Variants in CWH43 observed in about 807,000 individuals in gnomAD.
CWH43 encodes PGAP2-interacting protein.
A neutral mutation model predicts 85.7 loss-of-function variants in CWH43; 91 were observed. The ratio of observed to expected loss-of-function variants is 1.06; its 90% CI spans 0.90 to 1.26. The LOEUF (loss-of-function observed/expected upper bound fraction) is 1.26. CWH43 is among the 50% of genes most tolerant of loss of function. The pLI, the probability that CWH43 is intolerant of heterozygous loss-of-function variation, is 0.00. For missense variants in CWH43, 869 were observed against 839.2 expected (o/e 1.04, Z -0.44); for synonymous variants, 323 against 293.6 (o/e 1.10, Z -1.02).
In CWH43 at chr4:49,050,690, A is replaced by G. The variant is rs765178421; in HGVS notation, c.1866-4A>G. 1.9e-6 allele frequency: 3 copies of G among 1,605,526 alleles called. No individual in the cohort carries two copies. Among genetic ancestry groups the G allele is most frequent in the Admixed American group, 1.7e-5 (1 of 58,136 alleles). On this transcript the variant is annotated splice_polypyrimidine_tract_variant and splice_region_variant and intron_variant, in intron 14 of 15. Coordinates refer to ENST00000226432, the MANE Select transcript of CWH43 (RefSeq NM_025087.3). ...GTTACAAACCATTTCTGTTTCTGCT[A>G]CAGGTTGGGTTATGCAAGAATCTCC... is the stretch of plus-strand genomic sequence containing the variant.
chr4:49,001,897 AAC>A (rs1483089705), intron 6 of CWH43, among the ~76,000 whole-genome samples: 2 of 152,140 alleles, frequency 1.3e-5, no homozygotes, highest in African/African-American at 4.8e-5. Flanking sequence ...CAACCTCACT[AAC>A]AGTCAAATAA....
At chr4:49,018,909 A>G (rs1171295702) in intron 9 of CWH43, among the ~76,000 whole-genome samples, 1 of 152,230 alleles carries the variant, frequency 6.6e-6, no homozygotes, top group African/African-American at 2.4e-5. Context: ...ATAATAGTAG[A>G]CCATCATTAC....
intron 14 of CWH43, 31 bp downstream of exon 14, chr4:49,044,878 T>A: frequency 6.4e-7 from 1 of 1,573,800 alleles, no homozygotes; most frequent in Non-Finnish European, 8.7e-7. Context: ...TTGTTTTTAA[T>A]CTATTATTAA....
intron 15 of CWH43, among the ~76,000 whole-genome samples, 178 bp from the exon 16 acceptor site, chr4:49,061,634 T>C (rs527597290): frequency 7.8e-4 from 119 of 152,318 alleles, no homozygotes; most frequent in African/African-American, 2.8e-3. Context: ...GAATTATCCA[T>C]AACCATGGAA....
intron 14 of CWH43, among the ~76,000 whole-genome samples, chr4:49,046,165 A>G (rs1028880781): frequency 1.1e-4 from 16 of 152,196 alleles, no homozygotes; most frequent in African/African-American, 2.4e-4. Flanking sequence ...TAAGTGACAC[A>G]TGACTGTATA....
intron 13 of CWH43, among the ~76,000 whole-genome samples, chr4:49,038,950 C>T (rs1042253733): frequency 3.3e-5 from 5 of 150,534 alleles, no homozygotes; most frequent in Non-Finnish European, 5.9e-5. Context: ...CCCAGCTACT[C>T]GGGAGGCTGA....
At chr4:49,040,124 T>C (rs894351098) in intron 13 of CWH43, among the ~76,000 whole-genome samples, 59 of 152,220 alleles carry the variant, frequency 3.9e-4, no homozygotes, top group Non-Finnish European at 8.4e-4. Context: ...ATGTGCCACA[T>C]TTTCTTAATC....
chr4:49,052,007 A>G (rs947504032), intron 15 of CWH43, among the ~76,000 whole-genome samples: 2 of 152,230 alleles, frequency 1.3e-5, no homozygotes, highest in Non-Finnish European at 2.9e-5. Context: ...CATATCGTAT[A>G]CATTATTATT....
intron 15 of CWH43, 132 bp from the exon 16 acceptor site, chr4:49,061,680 T>C: frequency 1.3e-6 from 1 of 787,382 alleles, no homozygotes. Flanking sequence ...AGTTTGCCTT[T>C]CCTATATGCA....
chr4:49,015,518 G>T (rs1783518369), intron 8 of CWH43, among the ~76,000 whole-genome samples: 1 of 151,978 alleles, frequency 6.6e-6, no homozygotes, highest in African/African-American at 2.4e-5. Flanking sequence ...GATATATCTG[G>T]ATGCAGATTT....
In CWH43 at chr4:49,060,511, C is replaced by T. The variant is rs73152007; in HGVS notation, c.2022-1301C>T. Among the ~76,000 whole-genome samples the T allele has an allele frequency of 1.9e-3, 294 of 152,078 alleles. 1 individual carries two copies. The highest frequency in any genetic ancestry group is 6.9e-3 in the African/African-American group (287 of 41,442). On this transcript the variant is annotated intron_variant, in intron 15 of 15. Coordinates refer to ENST00000226432, the MANE Select transcript of CWH43 (RefSeq NM_025087.3). Reference sequence around the variant, plus strand: ...CCAGCCTGGTGCCAATGTTCATTGGCCTGGACCTGGTGCTGGAGTCTGTGG... The same window carrying T: ...CCAGCCTGGTGCCAATGTTCATTGGTCTGGACCTGGTGCTGGAGTCTGTGG...
chr4:49,060,601 A>G (rs1202267196), intron 15 of CWH43, among the ~76,000 whole-genome samples: 1 of 152,070 alleles, frequency 6.6e-6, no homozygotes, highest in Non-Finnish European at 1.5e-5. Context: ...TCTACTTACT[A>G]TGCTACCTAG....
Position 49,007,313 on chromosome 4 carries a change from A to C in CWH43, c.1173A>C (p.Lys391Asn), listed in dbSNP as rs1397369394. Residue 391 changes from lysine to asparagine, a missense_variant, in exon 8 of 16, where the codon AAA (lysine) becomes AAC (asparagine). Around this residue, in one of 3 missense-constraint regions of CWH43, gnomAD observed 577 missense variants for 513.1 expected, o/e 1.12. Coordinates refer to ENST00000226432, the MANE Select transcript of CWH43 (RefSeq NM_025087.3). Reference sequence around the variant, plus strand: ...AAGTGCTTTTCAGAAAGAGTGAAAAATACATGAAACTTTGTAAGTATAGTT... The same window carrying C: ...AAGTGCTTTTCAGAAAGAGTGAAAACTACATGAAACTTTGTAAGTATAGTT... ...SSKVLFRKSE[K>N]YMKLFLWLLV... 1 of 1,597,286 alleles carries C rather than the reference A, an allele frequency of 6.3e-7. No homozygotes were observed. Among genetic ancestry groups the C allele is most frequent in the African/African-American group, 1.3e-5 (1 of 74,278 alleles).
intron 4 of CWH43, among the ~76,000 whole-genome samples, chr4:48,993,399 A>G (rs1228924895): frequency 2.6e-5 from 4 of 151,828 alleles, no homozygotes; most frequent in Non-Finnish European, 5.9e-5. Flanking sequence ...TCCCATCCCC[A>G]TAGCTCTCGG....
intron 3 of CWH43, 142 bp from the exon 4 acceptor site, chr4:48,991,794 A>T (rs1330368488): frequency 1.2e-6 from 1 of 861,116 alleles, no homozygotes; most frequent in Non-Finnish European, 1.8e-6. Context: ...TGAAGTTGCT[A>T]TATAGAGGCT....
In CWH43 at chr4:49,017,233, T is replaced by G. The variant is rs1783578310; in HGVS notation, c.1187-16T>G. The G allele has an allele frequency of 6.3e-7, 1 of 1,593,916 alleles. No individual in the cohort carries two copies. Among genetic ancestry groups the G allele is most frequent in the South Asian group, 1.1e-5 (1 of 87,374 alleles). ...TTTATTTTAAAAAAACCCAATTATT[T>G]CTTTTTTCTGTTTAGTTCTGTGGCT... On this transcript the variant is annotated splice_polypyrimidine_tract_variant and intron_variant, in intron 8 of 15. Coordinates refer to ENST00000226432, the MANE Select transcript of CWH43 (RefSeq NM_025087.3).
chr4:49,037,582 A>G (rs1784298657), intron 12 of CWH43, among the ~76,000 whole-genome samples: 1 of 151,630 alleles, frequency 6.6e-6, no homozygotes, highest in African/African-American at 2.4e-5. Flanking sequence ...AAAAAAAAAA[A>G]AGTGTTCAGT....
At chr4:49,057,444 A>G (rs1390124379) in intron 15 of CWH43, among the ~76,000 whole-genome samples, 1 of 152,224 alleles carries the variant, frequency 6.6e-6, no homozygotes, top group Non-Finnish European at 1.5e-5. Flanking sequence ...CATTTATCTC[A>G]GTGAGCAGAG....
chr4:49,056,723 A>C (rs1346875584), intron 15 of CWH43, among the ~76,000 whole-genome samples: 1 of 148,698 alleles, frequency 6.7e-6, no homozygotes, highest in Non-Finnish European at 1.5e-5. Context: ...TTCTTTTTCT[A>C]CTCCCACAGG....
Sources: gnomAD v4.1 joint callset for allele counts (sites outside exome capture counted in the v4.1 genomes callset) on GRCh38, gnomAD v4.1.1 for gene constraint, gnomAD v4.1.1 regional missense constraint, MANE v1.5 for transcripts, NCBI Gene and HGNC (gene_info 2026-07-23, HGNC 2026-07-21) for gene names.